MYT1L: variants seen among roughly 807,000 people sequenced by gnomAD.
MYT1L encodes myelin transcription factor 1 like.
MYT1L carries 12 observed loss-of-function variants against 126.7 expected under a neutral mutation model. The ratio of observed to expected loss-of-function variants is 0.09; its 90% CI spans 0.06 to 0.15. The LOEUF is 0.15. MYT1L is among the 10% of genes least tolerant of loss of function. The pLI is 1.00. For synonymous variants in MYT1L, 541 were observed against 604.2 expected (o/e 0.90, Z 1.53); for missense variants, 979 against 1,585.2 (o/e 0.62, Z 6.49).
intron 2 of MYT1L, among the ~76,000 whole-genome samples, chr2:2,235,352 GC>G: frequency 1.6e-5 from 1 of 63,108 alleles, no homozygotes; most frequent in African/African-American, 7.5e-5. Context: ...GTTCCTCAGA[GC>G]TTCCCCTTAG....
intron 2 of MYT1L, among the ~76,000 whole-genome samples, chr2:2,236,960 T>C (rs2094337274): frequency 6.6e-6 from 1 of 151,970 alleles, no homozygotes; most frequent in Non-Finnish European, 1.5e-5. Context: ...ATTACAGGCA[T>C]GTGCCACCAC....
chr2:2,004,358 C>A (rs1163400847), intron 4 of MYT1L, among the ~76,000 whole-genome samples: 1 of 144,968 alleles, frequency 6.9e-6, no homozygotes, highest in Non-Finnish European at 1.5e-5. Flanking sequence ...TGCGTGCCTT[C>A]TTTCCTGTGT....
intron 3 of MYT1L, among the ~76,000 whole-genome samples, chr2:2,089,915 G>C (rs2076740548): frequency 1.3e-5 from 2 of 152,178 alleles, no homozygotes; most frequent in South Asian, 4.1e-4. Context: ...CAGTCCCTGT[G>C]AACATAAGTG....
intron 3 of MYT1L, among the ~76,000 whole-genome samples, chr2:2,135,811 T>C (rs920289636): frequency 6.6e-6 from 1 of 152,174 alleles, no homozygotes; most frequent in Non-Finnish European, 1.5e-5. Flanking sequence ...GAATGCGCTG[T>C]CTTTCAGTCT....
At chr2:1,796,836 C>T (rs1185018864) in intron 23 of MYT1L, among the ~76,000 whole-genome samples, 1 of 152,186 alleles carries the variant, frequency 6.6e-6, no homozygotes, top group South Asian at 2.1e-4. Flanking sequence ...GGGTCTCGAA[C>T]TCCGGCTCTC....
intron 5 of MYT1L, among the ~76,000 whole-genome samples, chr2:1,982,652 C>T (rs1290286899): frequency 6.6e-6 from 1 of 152,148 alleles, no homozygotes; most frequent in Non-Finnish European, 1.5e-5. Context: ...CTTGGAGAGA[C>T]AGGTGTGTTC....
chr2:1,903,736 C>T (rs2050646366), intron 13 of MYT1L, among the ~76,000 whole-genome samples: 1 of 152,172 alleles, frequency 6.6e-6, no homozygotes, highest in Non-Finnish European at 1.5e-5. Context: ...CTCTTAGGGA[C>T]ATAGACTGAG....
chr2:2,269,037 T>C (rs1349593432), intron 2 of MYT1L, among the ~76,000 whole-genome samples: 1 of 151,772 alleles, frequency 6.6e-6, no homozygotes, highest in Admixed American at 6.6e-5. Context: ...TGTAGCTGTG[T>C]TTCTCTTCCA....
chr2:2,047,303 C>T (rs896120805), intron 4 of MYT1L, among the ~76,000 whole-genome samples: 34 of 152,116 alleles, frequency 2.2e-4, no homozygotes, highest in Admixed American at 9.2e-4. Flanking sequence ...ATAGATTTTA[C>T]GCTGGATTTA....
intron 21 of MYT1L, among the ~76,000 whole-genome samples, chr2:1,834,819 C>T (rs112503419): frequency 4.2e-4 from 63 of 148,764 alleles, no homozygotes; most frequent in African/African-American, 1.4e-3. Context: ...CCACATACCA[C>T]GGGGATGGAT....
At chr2:2,010,514 G>A (rs1334006340) in intron 4 of MYT1L, among the ~76,000 whole-genome samples, 1 of 152,064 alleles carries the variant, frequency 6.6e-6, no homozygotes, top group Non-Finnish European at 1.5e-5. Context: ...CTCTGCTGCT[G>A]TCTGTCCATC....
At chr2:1,809,190 C>A (rs768063179) in intron 21 of MYT1L, 23 bp from the exon 22 acceptor site, 5 of 1,608,176 alleles carry the variant, frequency 3.1e-6, no homozygotes, top group Non-Finnish European at 4.3e-6. Context: ...CACAGGACGG[C>A]CATTAGTCAA....
At chr2:1,861,394 G>A (rs1182199002) in intron 18 of MYT1L, among the ~76,000 whole-genome samples, 1 of 152,160 alleles carries the variant, frequency 6.6e-6, no homozygotes, top group Non-Finnish European at 1.5e-5. Flanking sequence ...GAGCCACCTA[G>A]ACAGGAGGGG....
intron 8 of MYT1L, among the ~76,000 whole-genome samples, chr2:1,948,804 C>T (rs919718): frequency 0.12 from 17,981 of 152,172 alleles, 1,233 homozygotes; most frequent in East Asian, 0.31. Flanking sequence ...AAAGGCAGCC[C>T]TTTGTATTTG....
At chr2:2,168,125 G>T (rs2089463485) in intron 3 of MYT1L, among the ~76,000 whole-genome samples, 1 of 152,194 alleles carries the variant, frequency 6.6e-6, no homozygotes, top group Non-Finnish European at 1.5e-5. Context: ...TGGGATCAGT[G>T]TGTGTAGACC....
At chr2:2,073,021 C>T (rs2150247062) in intron 3 of MYT1L, among the ~76,000 whole-genome samples, 1 of 152,254 alleles carries the variant, frequency 6.6e-6, no homozygotes, top group East Asian at 1.9e-4. Flanking sequence ...AGTGTCTTCA[C>T]ACAACAGAAG....
intron 23 of MYT1L, among the ~76,000 whole-genome samples, chr2:1,800,647 C>A (rs781632247): frequency 6.6e-6 from 1 of 152,206 alleles, no homozygotes; most frequent in Non-Finnish European, 1.5e-5. Context: ...CCACACCCGG[C>A]TGACTATGGG....
At chr2:2,296,820 C>T (rs748945616) in intron 1 of MYT1L, among the ~76,000 whole-genome samples, 2 of 152,220 alleles carry the variant, frequency 1.3e-5, no homozygotes, top group Non-Finnish European at 2.9e-5. Context: ...AGCCTTGCCT[C>T]TTTGTGGGCA....
intron 1 of MYT1L, among the ~76,000 whole-genome samples, chr2:2,288,145 G>T (rs1450300917): frequency 1.3e-5 from 2 of 152,154 alleles, no homozygotes; most frequent in African/African-American, 4.8e-5. Context: ...GCCAAGTACT[G>T]AATAGGAATT....
Sources: allele counts gnomAD v4.1 joint callset (sites outside exome capture counted in the v4.1 genomes callset), GRCh38; gene constraint gnomAD v4.1.1; transcripts MANE v1.5; gene names NCBI Gene and HGNC (gene_info 2026-07-23, HGNC 2026-07-21).